The following ZNF503 variants were observed in gnomAD, a reference collection of about 807,000 sequenced individuals.
ZNF503 encodes NocA-like zinc finger 2.
Under a neutral mutation model 34.4 loss-of-function variants are expected in ZNF503, and 15 were observed. The ratio of observed to expected loss-of-function variants is 0.44; its 90% CI spans 0.29 to 0.67. ZNF503 has a LOEUF of 0.67. Ranked by LOEUF, ZNF503 falls within the 30% of genes least tolerant of loss-of-function variation. ZNF503 has a pLI of 0.13. For synonymous variants in ZNF503, 580 were observed against 456.8 expected (o/e 1.27, Z -3.44); for missense variants, 1,007 against 926.8 (o/e 1.09, Z -1.12).
chr10:75,295,362 A>C, the ZNF503 span, among the ~76,000 whole-genome samples: 1 of 151,734 alleles, frequency 6.6e-6, no homozygotes, highest in African/African-American at 2.4e-5. This position sits in a 1 kb window ranked among gnomAD's most constrained non-coding sequence, Gnocchi z 4.0. Flanking sequence ...CCAGAGGTTG[A>C]GGGGGGGAAA....
chr10:75,329,449 TTCTTTCTTTC>T, the ZNF503 span, among the ~76,000 whole-genome samples: 1 of 139,674 alleles, frequency 7.2e-6, no homozygotes, highest in Non-Finnish European at 1.6e-5. Flanking sequence ...CTTTCTTTCT[TTCTTTCTTTC>T]TCTTTCTTTC....
chr10:75,280,583 T>TGTGTGTGC, the ZNF503 span, among the ~76,000 whole-genome samples: 6 of 150,700 alleles, frequency 4.0e-5, no homozygotes, highest in Non-Finnish European at 7.4e-5. Flanking sequence ...TGTGTGTGTG[T>TGTGTGTGC]GCATTTATGG....
Position 75,399,612 on chromosome 10 carries a change from G to A in ZNF503, c.1078C>T (p.Pro360Ser), listed in dbSNP as rs1589133428. 6.3e-7 allele frequency: 1 copy of A among 1,598,202 alleles called. No individual in the cohort carries two copies. Among genetic ancestry groups the A allele is most frequent in the Non-Finnish European group, 8.5e-7 (1 of 1,179,630 alleles). The change falls in exon 2 of 2, where the codon CCA becomes TCA. Residue 360 changes from proline to serine, a missense_variant. By Grantham distance (74) the Pro-to-Ser change is moderately conservative. Transcript: ENST00000372524. ...FPLPPAGMTYPGSLAGAYAGY... is the reference protein window; with the variant it reads ...FPLPPAGMTYSGSLAGAYAGY... Reference sequence around the variant, plus strand: ...GCGTAGGCCCCGGCCAGGCTGCCTGGGTAGGTCATACCCGCGGGAGGCAGA... The same window carrying A: ...GCGTAGGCCCCGGCCAGGCTGCCTGAGTAGGTCATACCCGCGGGAGGCAGA...
At chr10:75,320,455 C>A in the ZNF503 span, among the ~76,000 whole-genome samples, 2 of 151,448 alleles carry the variant, frequency 1.3e-5, no homozygotes, top group African/African-American at 4.9e-5. Flanking sequence ...CACTCCAGCA[C>A]GGGCAACAGA....
chr10:75,362,320 C>T, the ZNF503 span, among the ~76,000 whole-genome samples: 2 of 151,820 alleles, frequency 1.3e-5, no homozygotes, highest in East Asian at 1.9e-4. Context: ...CAGAATGTTC[C>T]GTATATGCCC....
At chr10:75,342,089 CA>C in the ZNF503 span, among the ~76,000 whole-genome samples, 2 of 152,058 alleles carry the variant, frequency 1.3e-5, no homozygotes, top group African/African-American at 4.8e-5. Flanking sequence ...TCTTCTAAAT[CA>C]CTTGGCTGCA....
chr10:75,392,542 T>A, the ZNF503 span, among the ~76,000 whole-genome samples: 1 of 151,948 alleles, frequency 6.6e-6, no homozygotes, highest in African/African-American at 2.4e-5. Flanking sequence ...AAGGAGTGTA[T>A]GATGGGTGCC....
chr10:75,368,714 T>C, the ZNF503 span, among the ~76,000 whole-genome samples: 1 of 152,192 alleles, frequency 6.6e-6, no homozygotes, highest in Admixed American at 6.5e-5. Context: ...GCATTGGAAA[T>C]GGATGACCTG....
chr10:75,381,505 G>A, the ZNF503 span, among the ~76,000 whole-genome samples: 114 of 152,312 alleles, frequency 7.5e-4, no homozygotes, highest in African/African-American at 2.6e-3. Flanking sequence ...TTACAGGCAT[G>A]AGCCACTGTG....
chr10:75,284,173 AG>A, the ZNF503 span: 1 of 152,032 alleles, frequency 6.6e-6, no homozygotes, highest in Non-Finnish European at 1.5e-5. Flanking sequence ...AGAAGAAGGG[AG>A]GGAAGGAAAG....
the ZNF503 span, among the ~76,000 whole-genome samples, chr10:75,383,687 A>T: frequency 6.6e-6 from 1 of 152,176 alleles, no homozygotes; most frequent in Non-Finnish European, 1.5e-5. Context: ...AGGTGCTCAG[A>T]TACTTCTTAC....
At chr10:75,401,007 C>G (rs1479739182) in intron 1 of ZNF503, 98 bp downstream of exon 1, 27 of 1,541,586 alleles carry the variant, frequency 1.8e-5, no homozygotes, top group Non-Finnish European at 2.2e-5. Flanking sequence ...CTGAATCACT[C>G]CGACCCCCCC....
chr10:75,388,599 G>T, the ZNF503 span, among the ~76,000 whole-genome samples: 1 of 152,348 alleles, frequency 6.6e-6, no homozygotes, highest in African/African-American at 2.4e-5. Context: ...GCTACTTCTT[G>T]GTTGTGTGGT....
the ZNF503 span, among the ~76,000 whole-genome samples, chr10:75,336,342 T>C: frequency 2.0e-5 from 3 of 151,020 alleles, no homozygotes; most frequent in Non-Finnish European, 4.4e-5. Flanking sequence ...AAACTCAATA[T>C]TTAATACTTC....
At chr10:75,400,940 C>T in intron 1 of ZNF503, 165 bp downstream of exon 1, 1 of 1,043,600 alleles carries the variant, frequency 9.6e-7, no homozygotes, top group South Asian at 1.6e-5. Flanking sequence ...ACTTCCTCCC[C>T]CTTTTCCGCC....
the ZNF503 span, among the ~76,000 whole-genome samples, chr10:75,389,956 G>A: frequency 7.2e-4 from 110 of 152,010 alleles, no homozygotes; most frequent in African/African-American, 2.6e-3. Flanking sequence ...GCAGTGGTGC[G>A]ATCTGCGCTC....
At chr10:75,329,176 G>A in the ZNF503 span, among the ~76,000 whole-genome samples, 2 of 151,986 alleles carry the variant, frequency 1.3e-5, no homozygotes, top group African/African-American at 4.8e-5. Flanking sequence ...TAGCTATTGT[G>A]AATGGGATTG....
At chr10:75,334,156 A>T in the ZNF503 span, among the ~76,000 whole-genome samples, 1 of 150,366 alleles carries the variant, frequency 6.7e-6, no homozygotes, top group African/African-American at 2.5e-5. Context: ...CAGAGGCTGC[A>T]ATCTCGGCAC....
the ZNF503 span, chr10:75,296,500 C>T: frequency 1.3e-5 from 2 of 151,740 alleles, no homozygotes. Context: ...GCTCAGACAC[C>T]CCCCCTTCCT....
Sources: allele counts gnomAD v4.1 joint callset (sites outside exome capture counted in the v4.1 genomes callset), GRCh38; gene constraint gnomAD v4.1.1; non-coding constraint Gnocchi (gnomAD v3.1); transcripts MANE v1.5; gene names NCBI Gene and HGNC (gene_info 2026-07-23, HGNC 2026-07-21).